RABAC1: variants seen among roughly 807,000 people sequenced by gnomAD.
The protein encoded by RABAC1 is prenylated Rab acceptor protein 1.
In RABAC1, 16 loss-of-function variants were observed where a neutral mutation model predicts 22.9. The observed-to-expected ratio is 0.70, with a 90% CI of 0.47 to 1.06. The LOEUF is 1.06. Among genes scored for constraint, RABAC1 ranks in the 50% least tolerant of loss-of-function variants. The pLI is 0.00. For missense variants in RABAC1, 227 were observed against 246.5 expected, an observed-to-expected ratio of 0.92 and a Z score of 0.53; for synonymous variants, 139 against 107.7, an observed-to-expected ratio of 1.29 and a Z score of -1.80.
At chr19:41,958,607 T>G in intron 2 of RABAC1, 129 bp downstream of exon 2, 1 of 1,097,274 alleles carries the variant, frequency 9.1e-7, no homozygotes, top group Non-Finnish European at 1.3e-6. Context: ...GGGCGGGGCC[T>G]GGGCGGTGAG....
chr19:41,956,736 G>A lies in RABAC1; in HGVS notation c.*110C>T, dbSNP rs1344273453. 12 of 978,306 alleles carry A rather than the reference G, an allele frequency of 1.2e-5. No homozygotes were observed. The highest frequency in any genetic ancestry group is 2.6e-5 in the East Asian group (1 of 37,962). The allele number at this position is 978,306 out of a possible 1,614,324, so 60.6% of individuals were successfully genotyped here. ...ATTTTCAAAGGCGGGATCCCTCCCC[G>A]GGCTTGTGATGGGACGGCGCTGTGG... On this transcript the variant is annotated 3_prime_UTR_variant, in exon 5 of 5. Transcript: ENST00000222008.
At chr19:41,956,992 C>G (rs373503532) in intron 4 of RABAC1, 26 bp downstream of exon 4, 9 of 1,613,436 alleles carry the variant, frequency 5.6e-6, no homozygotes, top group South Asian at 2.2e-5. Flanking sequence ...CACCATCCAC[C>G]CCAGCTGCTC....
intron 2 of RABAC1, 91 bp downstream of exon 2, chr19:41,958,645 G>T (rs2075001115): frequency 2.2e-6 from 3 of 1,377,574 alleles, no homozygotes; most frequent in African/African-American, 1.4e-5. Context: ...TGAGAGGAGG[G>T]ACCGGGCGGT....
rs781841589 is a variant in RABAC1, at chr19:41,958,952, CG to C, written c.57-5del. On this transcript the variant is annotated splice_region_variant and splice_polypyrimidine_tract_variant and intron_variant, in intron 1 of 4. Coordinates refer to ENST00000222008, the MANE Select transcript of RABAC1 (RefSeq NM_006423.3). ...AATCAGCTTCGGCAGCAGGGTCCTG[CG>C]GGGGGTGGGGCCGGGTCAGTGGTGG... 4 of 1,561,512 alleles carry C rather than the reference CG, an allele frequency of 2.6e-6. No homozygotes were observed. Among genetic ancestry groups the C allele is most frequent in the South Asian group, 1.2e-5 (1 of 86,662 alleles).
At chr19:41,958,610 G>A (rs2075000785) in intron 2 of RABAC1, 126 bp downstream of exon 2, 2 of 1,111,354 alleles carry the variant, frequency 1.8e-6, no homozygotes, top group South Asian at 1.5e-5. Flanking sequence ...CGGGGCCTGG[G>A]CGGTGAGAAG....
At chr19:41,958,563 G>T (rs1230217397) in intron 2 of RABAC1, among the ~76,000 whole-genome samples, 173 bp downstream of exon 2, 2 of 152,164 alleles carry the variant, frequency 1.3e-5, no homozygotes, top group South Asian at 4.1e-4. Flanking sequence ...CTGGCCCTTT[G>T]GTGACAAGGT....
rs1212224313 is a variant in RABAC1, at chr19:41,958,335, G to A, written c.318C>T (p.Ala106=). ...LLVALAVFFG[A]CYILYLRTLE... ...AGGTGCGCAGATAGAGAATGTAACAGGCGCCGAAAAAGACAGCCAGAGCCA... is the reference window on the plus strand; with the variant it reads ...AGGTGCGCAGATAGAGAATGTAACAAGCGCCGAAAAAGACAGCCAGAGCCA... Residue 106 remains alanine (A), a synonymous_variant, in exon 3 of 5, where the codon GCC becomes GCT. Coordinates refer to ENST00000222008, the MANE Select transcript of RABAC1 (RefSeq NM_006423.3). The A allele has an allele frequency of 1.9e-6, 3 of 1,613,570 alleles. No individual in the cohort carries two copies. In the East Asian group the frequency reaches 6.7e-5, roughly 36 times the overall value.
Position 41,959,260 on chromosome 19 carries a change from G to A in RABAC1, c.33C>T (p.Ala11=), listed in dbSNP as rs782761254. The A allele has an allele frequency of 5.6e-5, 91 of 1,613,526 alleles. No homozygotes were observed. The highest frequency in any genetic ancestry group is 7.4e-5 in the Non-Finnish European group (87 of 1,179,934). Residue 11 remains alanine, a synonymous_variant, in exon 1 of 5, where the codon GCC becomes GCT. Coordinates refer to ENST00000222008, the MANE Select transcript of RABAC1 (RefSeq NM_006423.3). ...ACGTGCCGCTCAGCCCTTCCGCCTCGGCATCTTTCTGCTGGTCCTTCTGCG... is the reference window on the plus strand; with the variant it reads ...ACGTGCCGCTCAGCCCTTCCGCCTCAGCATCTTTCTGCTGGTCCTTCTGCG... MAAQKDQQKD[A]EAEGLSGTTL... is the part of the protein sequence containing the mutation.
chr19:41,958,465 G>T, intron 2 of RABAC1, 82 bp from the exon 3 acceptor site: 1 of 1,351,618 alleles, frequency 7.4e-7, no homozygotes, highest in Non-Finnish European at 1.0e-6. Context: ...CCACCGGCGG[G>T]CGGCAAGCTA....
intron 2 of RABAC1, among the ~76,000 whole-genome samples, 164 bp downstream of exon 2, chr19:41,958,572 G>A (rs2075000640): frequency 1.3e-5 from 2 of 152,200 alleles, no homozygotes; most frequent in South Asian, 4.1e-4. Context: ...TGGTGACAAG[G>A]TAGTCTAGCA....
intron 3 of RABAC1, chr19:41,958,044 A>C (rs2074998016): frequency 2.1e-6 from 1 of 480,938 alleles, no homozygotes; most frequent in Non-Finnish European, 3.8e-6. Flanking sequence ...GAGTAGGTTT[A>C]AGGCACAGCA....
rs781802711 is a variant in RABAC1 at position 41,956,928 on chromosome 19, G to A, written c.476C>T (p.Thr159Ile). The A allele has an allele frequency of 6.2e-7, 1 of 1,612,726 alleles. No individual in the cohort carries two copies. ...AGCGTGGGAGCCGATGACCACCAGG[G>A]TGGCTCCTGCAGGAAAGCCGGCAGC... ...GSAVFWVLGA[T>I]LVVIGSHAAF... Residue 159 changes from threonine (T) to isoleucine (I), a missense_variant, in exon 5 of 5, where the codon ACC becomes ATC. Transcript: ENST00000222008.
chr19:41,958,590 T>C lies in RABAC1; in HGVS notation c.269+146A>G. ...TGACAAGGTAGTCTAGCAGAGCCAA[T>C]CCTTGGGGGCGGGGCCTGGGCGGTG... On this transcript the variant is annotated intron_variant, in intron 2 of 4. Coordinates refer to ENST00000222008, the MANE Select transcript of RABAC1 (RefSeq NM_006423.3). 5.9e-6 allele frequency: 6 copies of C among 1,012,006 alleles called. No homozygotes were observed. The East Asian group carries it at 1.6e-4, about 26-fold the overall frequency. The allele number at this position is 1,012,006 out of a possible 1,614,324, so 62.7% of individuals were successfully genotyped here. A position where few individuals can be genotyped will look rare whatever the true frequency, so the allele number is the denominator to read the frequency against.
At chr19:41,957,770 G>A (rs2074996587) in intron 3 of RABAC1, 1 of 160,022 alleles carries the variant, frequency 6.2e-6, no homozygotes, top group African/African-American at 2.4e-5. Flanking sequence ...TTCCCCTGGG[G>A]GGAATTTCCC....
At chr19:41,959,126 CT>C (rs1183379888) in intron 1 of RABAC1, 110 bp downstream of exon 1, 1 of 1,489,918 alleles carries the variant, frequency 6.7e-7, no homozygotes, top group African/African-American at 1.4e-5. Context: ...GGGGCCAACA[CT>C]TCTGCGGCTC....
In RABAC1 at chr19:41,958,930, C is replaced by T; in HGVS notation, c.75G>A (p.Leu25=). 6.3e-7 allele frequency: 1 copy of T among 1,581,426 alleles called. No homozygotes were observed. The highest frequency in any genetic ancestry group is 8.6e-7 in the Non-Finnish European group (1 of 1,168,484). Reference sequence around the variant, plus strand: ...ACTCCCGGCCTGCACCGGAGGGAATCAGCTTCGGCAGCAGGGTCCTGCGGG... The same window carrying T: ...ACTCCCGGCCTGCACCGGAGGGAATTAGCTTCGGCAGCAGGGTCCTGCGGG... The part of the protein sequence containing the change: ...GLSGTTLLPK[L]IPSGAGREWL... Residue 25 remains leucine (L), a synonymous_variant, in exon 2 of 5, where the codon CTG becomes CTA. Transcript: ENST00000222008.
chr19:41,956,923 C>T lies in RABAC1; in HGVS notation c.481G>A (p.Val161Met). 1.2e-6 allele frequency: 2 copies of T among 1,612,812 alleles called. No individual in the cohort carries two copies. Among genetic ancestry groups the T allele is most frequent in the South Asian group, 2.2e-5 (2 of 91,056 alleles). Reference protein sequence around the residue: ...AVFWVLGATLVVIGSHAAFHQ... With the variant: ...AVFWVLGATLMVIGSHAAFHQ... ...AAGGCAGCGTGGGAGCCGATGACCACCAGGGTGGCTCCTGCAGGAAAGCCG... is the reference window on the plus strand; with the variant it reads ...AAGGCAGCGTGGGAGCCGATGACCATCAGGGTGGCTCCTGCAGGAAAGCCG... The change falls in exon 5 of 5, where the codon GTG (valine) becomes ATG (methionine). Residue 161 changes from valine (V) to methionine (M), a missense_variant. Coordinates refer to ENST00000222008, the MANE Select transcript of RABAC1 (RefSeq NM_006423.3).
At position 41,958,832 on chromosome 19, in the gene RABAC1, C is replaced by T. The variant is rs1568847506; in HGVS notation, c.173G>A (p.Arg58His). 1 of 1,610,188 alleles carries T rather than the reference C, an allele frequency of 6.2e-7. No homozygotes were observed. Among genetic ancestry groups the T allele is most frequent in the South Asian group, 1.1e-5 (1 of 91,050 alleles). ...GCGCTGGCACAGCTCTCCCAGGTTG[C>T]GGGGCCGTGAGAAGCGCTGCTGGTC... is the stretch of plus-strand genomic sequence containing the variant. Reference protein sequence around the residue: ...FVDQQRFSRPRNLGELCQRLV... With the variant: ...FVDQQRFSRPHNLGELCQRLV... The change falls in exon 2 of 5, where the codon CGC (arginine) becomes CAC (histidine). Residue 58 changes from arginine (R) to histidine (H), a missense_variant. Arg to His is a conservative substitution (Grantham distance 29, BLOSUM62 0). Coordinates refer to ENST00000222008, the MANE Select transcript of RABAC1 (RefSeq NM_006423.3).
rs971769707 is a variant in RABAC1, at chr19:41,956,766, G to A, written c.*80C>T. ...TGTGATGGGACGGCGCTGTGGGCCC[G>A]AGCAGCAGAGCCGTGCAGGACAGGC... On this transcript the variant is annotated 3_prime_UTR_variant, in exon 5 of 5. Coordinates refer to ENST00000222008, the MANE Select transcript of RABAC1 (RefSeq NM_006423.3). 13 of 1,339,046 alleles carry A rather than the reference G, an allele frequency of 9.7e-6. No homozygotes were observed. The highest frequency in any genetic ancestry group is 4.7e-5 in the Admixed American group (2 of 42,254). 82.9% of individuals were successfully genotyped at this position (1,339,046 alleles called of 1,614,324 possible).
Sources: allele counts gnomAD v4.1 joint callset (sites outside exome capture counted in the v4.1 genomes callset), GRCh38; gene constraint gnomAD v4.1.1; transcripts MANE v1.5; gene names NCBI Gene and HGNC (gene_info 2026-07-23, HGNC 2026-07-21).